RTTN: variants seen among roughly 807,000 people sequenced by gnomAD.
RTTN encodes rotatin.
RTTN carries 182 observed loss-of-function variants against 269.2 expected under a neutral mutation model. The observed-to-expected ratio is 0.68, with a 90% CI of 0.60 to 0.76. RTTN has a LOEUF of 0.76. Among genes scored for constraint, RTTN ranks in the 30% least tolerant of loss-of-function variants. The pLI is 0.00. For missense variants in RTTN, 2,545 were observed against 2,608.6 expected (o/e 0.98, Z 0.53); for synonymous variants, 1,006 against 963.5 (o/e 1.04, Z -0.82).
intron 46 of RTTN, among the ~76,000 whole-genome samples, chr18:70,015,928 C>G (rs116051797): frequency 6.6e-6 from 1 of 152,180 alleles, no homozygotes; most frequent in African/African-American, 2.4e-5. Flanking sequence ...ACTTCACAGG[C>G]TCTCTCATTG....
intron 32 of RTTN, among the ~76,000 whole-genome samples, chr18:70,085,021 T>A (rs1489230813): frequency 6.6e-6 from 1 of 152,226 alleles, no homozygotes; most frequent in African/African-American, 2.4e-5. Context: ...TCTGCCTTTA[T>A]ACTTATTTCA....
At chr18:70,166,026 C>T in intron 14 of RTTN, 36 bp downstream of exon 14, 3 of 1,607,354 alleles carry the variant, frequency 1.9e-6, no homozygotes, top group Non-Finnish European at 2.6e-6. Flanking sequence ...ACTATTTGTT[C>T]TCAAAAACAA....
chr18:70,081,621 T>C (rs1465809653), intron 32 of RTTN, among the ~76,000 whole-genome samples: 2 of 152,164 alleles, frequency 1.3e-5, no homozygotes, highest in Admixed American at 6.5e-5. Context: ...AATTGAAGTA[T>C]ATTACAACAA....
In RTTN at chr18:70,030,067, T is replaced by C. The variant is rs746926127; in HGVS notation, c.5690A>G (p.Asn1897Ser). Residue 1897 changes from asparagine to serine, a missense_variant, in exon 42 of 49, where the codon AAT (asparagine) becomes AGT (serine). Transcript: ENST00000640769. The part of the protein sequence containing the change: ...DNCMEQMKHI[N>S]AQLNLDSLRP... ...CAGAGAATCTAGGTTCAGTTGTGCA[T>C]TTATGTGTTTCATCTGCTCCATGCA... is the stretch of plus-strand genomic sequence containing the variant. 6.2e-7 allele frequency: 1 copy of C among 1,613,072 alleles called. No individual in the cohort carries two copies. Among genetic ancestry groups the C allele is most frequent in the Non-Finnish European group, 8.5e-7 (1 of 1,179,664 alleles).
chr18:70,205,013 G>A, intron 2 of RTTN, 115 bp downstream of exon 2: 2 of 972,166 alleles, frequency 2.1e-6, no homozygotes, highest in Non-Finnish European at 3.1e-6. Flanking sequence ...AACATCTCTG[G>A]TTGATTAAAA....
intron 28 of RTTN, among the ~76,000 whole-genome samples, chr18:70,100,102 T>C (rs2059118425): frequency 6.6e-6 from 1 of 152,232 alleles, no homozygotes; most frequent in Non-Finnish European, 1.5e-5. Context: ...AGTAGTTTTT[T>C]CCAATTCTGT....
chr18:70,175,088 G>A (rs940848221), intron 11 of RTTN, among the ~76,000 whole-genome samples: 12 of 140,550 alleles, frequency 8.5e-5, no homozygotes, highest in East Asian at 8.3e-4. Flanking sequence ...TTTTATAGAC[G>A]CTGTCAATTG....
intron 23 of RTTN, chr18:70,130,904 T>C (rs1325723164): frequency 2.0e-5 from 3 of 151,976 alleles, no homozygotes; most frequent in Non-Finnish European, 2.9e-5. Flanking sequence ...ATGTACTCCA[T>C]AAATATGTAC....
intron 34 of RTTN, among the ~76,000 whole-genome samples, chr18:70,067,854 T>G (rs1306015734): frequency 6.6e-6 from 1 of 152,210 alleles, no homozygotes; most frequent in African/African-American, 2.4e-5. Context: ...AAAGTTGTGA[T>G]TCATGACAAA....
chr18:70,066,632 C>A (rs1266391407), intron 34 of RTTN, among the ~76,000 whole-genome samples: 3 of 152,168 alleles, frequency 2.0e-5, no homozygotes, highest in African/African-American at 7.2e-5. Context: ...CCATCAATTT[C>A]TCTTCTGTGA....
intron 26 of RTTN, among the ~76,000 whole-genome samples, chr18:70,120,954 G>A (rs1162426505): frequency 1.3e-5 from 2 of 152,064 alleles, no homozygotes; most frequent in Non-Finnish European, 2.9e-5. Context: ...AGGAGGCTGA[G>A]GCAGGAGAAT....
chr18:70,131,110 T>C (rs2059986450), intron 23 of RTTN: 1 of 144,368 alleles, frequency 6.9e-6, no homozygotes, highest in Non-Finnish European at 1.5e-5. Flanking sequence ...CTATACCTAG[T>C]GATAACATTT....
Position 70,092,823 on chromosome 18 carries a change from C to A in RTTN, c.3904-19G>T, listed in dbSNP as rs1357510975. The A allele has an allele frequency of 1.3e-6, 2 of 1,590,824 alleles. No individual in the cohort carries two copies. Among genetic ancestry groups the A allele is most frequent in the Non-Finnish European group, 1.7e-6 (2 of 1,163,314 alleles). ...TAATGACCTGAAAAACAAATGTAAA[C>A]AATTTCATGGTGGCTTTATTCTCAA... On this transcript the variant is annotated intron_variant, in intron 28 of 48. Transcript: ENST00000640769.
intron 40 of RTTN, among the ~76,000 whole-genome samples, chr18:70,042,463 C>T (rs1264385790): frequency 2.0e-5 from 3 of 151,044 alleles, no homozygotes; most frequent in Non-Finnish European, 2.9e-5. Context: ...GCAAGCTCCC[C>T]GTCCCGGGTT....
chr18:70,130,395 T>A (rs571115571), intron 23 of RTTN: 2 of 152,054 alleles, frequency 1.3e-5, no homozygotes, highest in South Asian at 4.1e-4. Flanking sequence ...CATCAATAGA[T>A]GAATGGATTT....
At chr18:70,043,810 T>C (rs1009176284) in intron 40 of RTTN, among the ~76,000 whole-genome samples, 3 of 152,352 alleles carry the variant, frequency 2.0e-5, no homozygotes, top group Admixed American at 6.5e-5. Context: ...AGTGAAGAAC[T>C]GACTTTCTAT....
chr18:70,197,693 T>C lies in RTTN; in HGVS notation c.624A>G (p.Glu208=), dbSNP rs758539231. Residue 208 remains glutamate (E), a synonymous_variant, in exon 6 of 49, where the codon GAA becomes GAG. Transcript: ENST00000640769. ...CTTGCATGATAACATCCTTCAATAG[T>C]TCACAGGTGTTCCAGATTAAAGTGT... ...SNHTLIWNTC[E]LLKDVIMQDF... The C allele has an allele frequency of 5.0e-6, 8 of 1,613,606 alleles. No homozygotes were observed. The Admixed American group carries it at 1.3e-4, about 27-fold the overall frequency.
rs1022056320 is a variant in RTTN at position 70,020,949 on chromosome 18, G to A, written c.5951-132C>T. 5.9e-6 allele frequency: 4 copies of A among 676,202 alleles called. No homozygotes were observed. In the South Asian group the frequency reaches 5.9e-5, roughly 10 times the overall value. 41.9% of individuals were successfully genotyped at this position (676,202 alleles called of 1,614,324 possible). ...ACCTGTGAACTGCAAATTAGCAATG[G>A]AGGCTAATGTTGGTGTCTACAGTCA... On this transcript the variant is annotated intron_variant, in intron 44 of 48. Transcript: ENST00000640769.
intron 11 of RTTN, among the ~76,000 whole-genome samples, chr18:70,172,517 T>C (rs888804368): frequency 1.3e-5 from 2 of 152,214 alleles, no homozygotes; most frequent in African/African-American, 4.8e-5. Context: ...TTAAAGTACT[T>C]AGTCAATTAA....
Sources: gnomAD v4.1 joint callset for allele counts (sites outside exome capture counted in the v4.1 genomes callset) on GRCh38, gnomAD v4.1.1 for gene constraint, MANE v1.5 for transcripts, NCBI Gene and HGNC (gene_info 2026-07-23, HGNC 2026-07-21) for gene names.